Variants in SULF1 observed in about 807,000 individuals in gnomAD.
SULF1 encodes extracellular sulfatase Sulf-1.
SULF1 carries 46 observed loss-of-function variants against 110.5 expected under a neutral mutation model. The observed-to-expected ratio is 0.42, with a 90% CI of 0.33 to 0.53. The LOEUF is 0.53. Among genes scored for constraint, SULF1 ranks in the 20% least tolerant of loss-of-function variants. The pLI, the probability that SULF1 is intolerant of heterozygous loss-of-function variation, is 0.12. For missense variants in SULF1, 941 were observed against 1,094.2 expected (o/e 0.86, Z 1.98); for synonymous variants, 371 against 387.1 (o/e 0.96, Z 0.49).
chr8:69,645,753 G>A (rs986970254), intron 22 of SULF1, among the ~76,000 whole-genome samples: 1 of 152,212 alleles, frequency 6.6e-6, no homozygotes, highest in Non-Finnish European at 1.5e-5. Flanking sequence ...GACAGTGCAA[G>A]GGAAGGAGAA....
chr8:69,651,147 G>A (rs1239330913), intron 22 of SULF1, among the ~76,000 whole-genome samples: 3 of 146,214 alleles, frequency 2.1e-5, no homozygotes, highest in Non-Finnish European at 4.5e-5. Context: ...TCCACTTTCT[G>A]GGTTCAAGCC....
chr8:69,659,544 C>T lies in SULF1; in HGVS notation c.*1009C>T. The stretch of plus-strand genomic sequence containing the variant: ...GAAAGGCTGGGGATATTTGGGTTGG[C>T]TTGGTTTTGATTTTTTGCTTGTTTG... On this transcript the variant is annotated 3_prime_UTR_variant, in exon 23 of 23. Transcript: ENST00000402687. 4.1e-6 allele frequency: 1 copy of T among 246,372 alleles called. No individual in the cohort carries two copies. The highest frequency in any genetic ancestry group is 8.0e-6 in the Non-Finnish European group (1 of 124,870). 15.3% of individuals were successfully genotyped at this position (246,372 alleles called of 1,614,324 possible).
intron 3 of SULF1, among the ~76,000 whole-genome samples, chr8:69,511,390 C>A (rs1363049637): frequency 6.6e-6 from 1 of 152,132 alleles, no homozygotes; most frequent in African/African-American, 2.4e-5. Context: ...AAAGATCCTC[C>A]TGATGGAGAC....
chr8:69,548,012 C>A (rs1345340108), intron 3 of SULF1, among the ~76,000 whole-genome samples: 2 of 152,114 alleles, frequency 1.3e-5, no homozygotes, highest in Admixed American at 1.3e-4. Flanking sequence ...AACCAGCCAG[C>A]AAAAACAGGG....
At chr8:69,629,052 G>A (rs990759520) in intron 18 of SULF1, among the ~76,000 whole-genome samples, 3 of 152,016 alleles carry the variant, frequency 2.0e-5, no homozygotes, top group Admixed American at 1.3e-4. Flanking sequence ...TTGTTTTTTC[G>A]AGACAGAGTC....
intron 22 of SULF1, chr8:69,642,405 A>G: frequency 6.1e-6 from 6 of 987,042 alleles, no homozygotes; most frequent in Non-Finnish European, 7.2e-6. Context: ...CCATGTATGT[A>G]TGTCTTCTTT....
intron 22 of SULF1, among the ~76,000 whole-genome samples, chr8:69,656,566 T>C (rs969413845): frequency 3.3e-5 from 5 of 152,238 alleles, no homozygotes; most frequent in African/African-American, 9.6e-5. Context: ...AGTGAGAACA[T>C]GCAGTGTTTG....
intron 1 of SULF1, chr8:69,473,348 G>T (rs1809171442): frequency 6.6e-6 from 1 of 152,146 alleles, no homozygotes; most frequent in Non-Finnish European, 1.5e-5. Flanking sequence ...CTAAATCTCT[G>T]TGCGGAATAA....
intron 3 of SULF1, among the ~76,000 whole-genome samples, chr8:69,540,619 G>T (rs1028563076): frequency 1.3e-5 from 2 of 152,184 alleles, no homozygotes; most frequent in Non-Finnish European, 2.9e-5. Context: ...TTTCTGCCTT[G>T]GTGACAGCGT....
chr8:69,507,901 T>C (rs1007758491), intron 3 of SULF1, among the ~76,000 whole-genome samples: 15 of 152,202 alleles, frequency 9.9e-5, no homozygotes, highest in African/African-American at 3.6e-4. Flanking sequence ...CCTTGTGTCA[T>C]AATCTGGCAT....
intron 3 of SULF1, among the ~76,000 whole-genome samples, chr8:69,505,544 T>C (rs1811127963): frequency 6.6e-6 from 1 of 152,150 alleles, no homozygotes; most frequent in South Asian, 2.1e-4. Context: ...TTATTTTAAT[T>C]ATTAAGTTAA....
At position 69,589,155 on chromosome 8, in the gene SULF1, T is replaced by C; in HGVS notation, c.734+14T>C. 1 of 1,608,996 alleles carries C rather than the reference T, an allele frequency of 6.2e-7. No individual in the cohort carries two copies. Among genetic ancestry groups the C allele is most frequent in the Non-Finnish European group, 8.5e-7 (1 of 1,176,278 alleles). On this transcript the variant is annotated intron_variant, in intron 8 of 22. Transcript: ENST00000402687. ...TTCCCAACACATGTAAGTAACAAAC[T>C]CAACTCTGCGACCTGCCGAACATGC...
intron 3 of SULF1, among the ~76,000 whole-genome samples, chr8:69,526,830 GAA>G (rs1812717677): frequency 6.8e-6 from 1 of 146,528 alleles, no homozygotes; most frequent in African/African-American, 2.6e-5. Context: ...AGGAAGGAAG[GAA>G]GGAAGGAAGG....
chr8:69,655,208 A>G (rs1002383667), intron 22 of SULF1, among the ~76,000 whole-genome samples: 1 of 152,180 alleles, frequency 6.6e-6, no homozygotes, highest in Admixed American at 6.5e-5. Context: ...AATCTGCCCC[A>G]TAGCCATCTG....
intron 3 of SULF1, among the ~76,000 whole-genome samples, chr8:69,542,357 A>T (rs1376648505): frequency 1.3e-5 from 2 of 152,108 alleles, no homozygotes; most frequent in Non-Finnish European, 2.9e-5. Context: ...CTTCAGTGAA[A>T]ATATTCACAG....
At chr8:69,559,975 A>G (rs1815370263) in intron 3 of SULF1, among the ~76,000 whole-genome samples, 1 of 152,218 alleles carries the variant, frequency 6.6e-6, no homozygotes, top group Non-Finnish European at 1.5e-5. Flanking sequence ...GGTTCTACCT[A>G]CTATTGCTTT....
intron 8 of SULF1, among the ~76,000 whole-genome samples, chr8:69,597,906 T>C (rs539595713): frequency 6.6e-6 from 1 of 152,292 alleles, no homozygotes; most frequent in Non-Finnish European, 1.5e-5. Context: ...CTTTCTATAT[T>C]TCTCTGACCT....
Position 69,658,585 on chromosome 8 carries a change from C to T in SULF1, c.*50C>T. 1.3e-6 allele frequency: 2 copies of T among 1,500,742 alleles called. No homozygotes were observed. The highest frequency in any genetic ancestry group is 9.3e-7 in the Non-Finnish European group (1 of 1,076,740). The allele number at this position is 1,500,742 out of a possible 1,614,324, so 93.0% of individuals were successfully genotyped here. On this transcript the variant is annotated 3_prime_UTR_variant, in exon 23 of 23. Transcript: ENST00000402687. ...CAACTGGCAAGGCCTAGAGGAGCTA[C>T]ACAGTGTGAATGAAAACATCTATGA...
intron 3 of SULF1, among the ~76,000 whole-genome samples, chr8:69,557,221 A>T (rs1207186719): frequency 6.6e-6 from 1 of 152,168 alleles, no homozygotes; most frequent in Non-Finnish European, 1.5e-5. Context: ...TCTCACTGCC[A>T]CCATTGAAAC....
Sources: allele counts gnomAD v4.1 joint callset (sites outside exome capture counted in the v4.1 genomes callset), GRCh38; gene constraint gnomAD v4.1.1; transcripts MANE v1.5; gene names NCBI Gene and HGNC (gene_info 2026-07-23, HGNC 2026-07-21).